Variants in TENM4 observed in about 807,000 individuals in gnomAD.
The protein encoded by TENM4 is teneurin transmembrane protein 4, also known as teneurin-4.
In TENM4, 82 loss-of-function variants were observed where a neutral mutation model predicts 243.3. The ratio of observed to expected loss-of-function variants is 0.34; its 90% CI spans 0.28 to 0.40. TENM4 has a LOEUF of 0.40. Among genes scored for constraint, TENM4 ranks in the 10% least tolerant of loss-of-function variants. The pLI is 1.00. For synonymous variants in TENM4, 1,412 were observed against 1,456.3 expected (o/e 0.97, Z 0.69); for missense variants, 3,138 against 3,673.3 (o/e 0.85, Z 3.77).
intron 6 of TENM4, among the ~76,000 whole-genome samples, chr11:79,003,353 T>C (rs1297247458): frequency 2.0e-5 from 3 of 151,342 alleles, no homozygotes; most frequent in Non-Finnish European, 4.4e-5. Context: ...ACAGTCTTCA[T>C]ATTCTCCAAG....
chr11:78,829,753 T>C (rs1857935130), intron 12 of TENM4, among the ~76,000 whole-genome samples: 1 of 152,144 alleles, frequency 6.6e-6, no homozygotes, highest in African/African-American at 2.4e-5. Flanking sequence ...ATTATAGTAT[T>C]AGCAAGGGAA....
intron 1 of TENM4, among the ~76,000 whole-genome samples, chr11:79,375,431 A>C (rs565137707): frequency 4.3e-4 from 66 of 152,358 alleles, no homozygotes; most frequent in Admixed American, 7.2e-4. Flanking sequence ...TAGACTGTGC[A>C]TAGCTCTTTA....
At position 78,732,342 on chromosome 11, in the gene TENM4, T is replaced by C. The variant is rs1439866746; in HGVS notation, c.3112A>G (p.Lys1038Glu). ...LTSFASSCAE[K>E]GPIVPEIQAL... is the part of the protein sequence containing the mutation. The stretch of plus-strand genomic sequence containing the variant: ...TGAATTTCCGGCACAATGGGGCCTT[T>C]CTCTGCACAGGAGCTGGCGAAGGAC... Residue 1038 changes from lysine (K) to glutamate (E), a missense_variant, in exon 21 of 34, where the codon AAA (lysine) becomes GAA (glutamate). Lys to Glu is a moderately conservative substitution (Grantham distance 56). This residue lies in a region of TENM4 where 2,467 missense variants were observed against 3,059.1 expected (regional missense o/e 0.81). Coordinates refer to ENST00000278550, the MANE Select transcript of TENM4 (RefSeq NM_001098816.3). 6.2e-7 allele frequency: 1 copy of C among 1,610,630 alleles called. No individual in the cohort carries two copies. The highest frequency in any genetic ancestry group is 8.5e-7 in the Non-Finnish European group (1 of 1,177,288).
chr11:79,122,595 C>T (rs1256518841), intron 4 of TENM4, among the ~76,000 whole-genome samples: 1 of 152,056 alleles, frequency 6.6e-6, no homozygotes, highest in Non-Finnish European at 1.5e-5. Flanking sequence ...GGGGTCATGA[C>T]AGTAAAGGGT....
At chr11:78,864,398 C>A (rs527435465) in intron 9 of TENM4, among the ~76,000 whole-genome samples, 23 of 119,972 alleles carry the variant, frequency 1.9e-4, no homozygotes, top group Admixed American at 3.1e-4. Flanking sequence ...CCCGCCACTG[C>A]ACTCCAGCCT....
rs1199994424 is a variant in TENM4 at position 78,656,085 on chromosome 11, G to A, written c.*1973C>T. On this transcript the variant is annotated 3_prime_UTR_variant, in exon 34 of 34. Transcript: ENST00000278550. ...TCTAATCCCAGTGGGATGACGTTAA[G>A]GCGAAATCTCCTCTCCCCAAGAAGT... 3 of 152,168 alleles carry A rather than the reference G, an allele frequency of 2.0e-5. No homozygotes were observed. The highest frequency in any genetic ancestry group is 7.2e-5 in the African/African-American group (3 of 41,434). 9.4% of individuals were successfully genotyped at this position (152,168 alleles called of 1,614,324 possible). A position where few individuals can be genotyped will look rare whatever the true frequency, so the allele number is the denominator to read the frequency against.
chr11:78,849,010 A>T (rs1858466510), intron 12 of TENM4, among the ~76,000 whole-genome samples: 2 of 152,098 alleles, frequency 1.3e-5, no homozygotes, highest in Non-Finnish European at 2.9e-5. Context: ...CAGTCCCTAC[A>T]TTTTCTAACA....
chr11:78,924,590 C>T (rs1366630536), intron 6 of TENM4: 1 of 152,130 alleles, frequency 6.6e-6, no homozygotes, highest in Non-Finnish European at 1.5e-5. Flanking sequence ...TAGTGAGTGT[C>T]AAAGGCTGTA....
chr11:79,193,449 C>T (rs114832830), intron 3 of TENM4, among the ~76,000 whole-genome samples: 4 of 152,174 alleles, frequency 2.6e-5, no homozygotes, highest in African/African-American at 4.8e-5. Context: ...CTAGGTCCTA[C>T]GGCACTGTCT....
chr11:79,004,610 T>C (rs1352546998), intron 6 of TENM4, among the ~76,000 whole-genome samples: 1 of 152,046 alleles, frequency 6.6e-6, no homozygotes, highest in Non-Finnish European at 1.5e-5. Flanking sequence ...ATTGTTAAGA[T>C]GAAAGACTAT....
chr11:79,306,403 C>G (rs1025337723), intron 1 of TENM4, among the ~76,000 whole-genome samples: 1 of 152,088 alleles, frequency 6.6e-6, no homozygotes. Flanking sequence ...TAAGAAGGCC[C>G]TTGATAGTCA....
chr11:78,977,830 T>G (rs917242257), intron 6 of TENM4, among the ~76,000 whole-genome samples: 1 of 152,172 alleles, frequency 6.6e-6, no homozygotes, highest in Admixed American at 6.5e-5. Flanking sequence ...GAAATACCAT[T>G]TGACCCAACA....
chr11:78,707,139 T>C (rs962257725), intron 27 of TENM4, among the ~76,000 whole-genome samples: 5 of 152,198 alleles, frequency 3.3e-5, no homozygotes, highest in African/African-American at 1.2e-4. Context: ...GAAAAGGGCC[T>C]GTGTGTGCAG....
chr11:79,346,874 T>C (rs1465368828), intron 1 of TENM4, among the ~76,000 whole-genome samples: 2 of 152,214 alleles, frequency 1.3e-5, no homozygotes, highest in African/African-American at 4.8e-5. Context: ...ACAGTATTAG[T>C]TGAACAAATG....
chr11:79,401,938 T>C, intron 1 of TENM4: 1 of 289,834 alleles, frequency 3.5e-6, no homozygotes, highest in Non-Finnish European at 8.0e-6. Context: ...TAGAGGGTCC[T>C]CAGGTGGTGG....
intron 27 of TENM4, 90 bp downstream of exon 27, chr11:78,708,271 T>G: frequency 1.3e-6 from 2 of 1,559,868 alleles, no homozygotes; most frequent in Admixed American, 3.5e-5. Context: ...GGCTTATCAG[T>G]GCAAAGATGA....
chr11:78,923,251 A>T (rs1856484082), intron 6 of TENM4, among the ~76,000 whole-genome samples: 1 of 152,088 alleles, frequency 6.6e-6, no homozygotes, highest in Non-Finnish European at 1.5e-5. Flanking sequence ...ATTTTGAACC[A>T]AGGGCCCTGT....
intron 3 of TENM4, among the ~76,000 whole-genome samples, chr11:79,181,093 G>A (rs1183139180): frequency 6.6e-6 from 1 of 152,032 alleles, no homozygotes. Flanking sequence ...CTCATTCCAT[G>A]AGGCCAGCAT....
intron 9 of TENM4, among the ~76,000 whole-genome samples, chr11:78,877,252 C>T (rs1361522192): frequency 1.3e-5 from 2 of 152,108 alleles, no homozygotes; most frequent in Non-Finnish European, 2.9e-5. Context: ...CTTCCTCTCA[C>T]TGCTCCCTTC....
Sources: allele counts gnomAD v4.1 joint callset (sites outside exome capture counted in the v4.1 genomes callset), GRCh38; gene constraint gnomAD v4.1.1; regional missense constraint gnomAD v4.1.1; transcripts MANE v1.5; gene names NCBI Gene and HGNC (gene_info 2026-07-23, HGNC 2026-07-21).